DPYD: variants seen among roughly 807,000 people sequenced by gnomAD.
DPYD encodes dihydropyrimidine dehydrogenase [NADP(+)].
A neutral mutation model predicts 116.2 loss-of-function variants in DPYD; 109 were observed. The ratio of observed to expected loss-of-function variants is 0.94; its 90% CI spans 0.80 to 1.10. DPYD has a LOEUF of 1.10. Ranked by LOEUF, DPYD falls within the 50% of genes least tolerant of loss-of-function variation. DPYD has a pLI of 0.00. For missense variants in DPYD, 1,302 were observed against 1,254.5 expected (o/e 1.04, Z -0.57); for synonymous variants, 440 against 432.0 (o/e 1.02, Z -0.23).
At chr1:97,460,157 A>G (rs568029597) in intron 13 of DPYD, among the ~76,000 whole-genome samples, 1 of 152,342 alleles carries the variant, frequency 6.6e-6, no homozygotes, top group South Asian at 2.1e-4. Flanking sequence ...GCAGAAAAAA[A>G]GCAGGTGCAA....
chr1:97,821,050 C>T (rs1175354320), intron 3 of DPYD, among the ~76,000 whole-genome samples: 1 of 152,000 alleles, frequency 6.6e-6, no homozygotes, highest in Non-Finnish European at 1.5e-5. Context: ...TAGCCCTCTA[C>T]TGCCTGTGAG....
chr1:97,870,407 A>T lies in DPYD; in HGVS notation c.150+12857T>A, dbSNP rs920358067. ...TGGATCTTTATCGTGTTATATAAAA[A>T]TACAAATATTTCAAAATTCATAAAC... On this transcript the variant is annotated intron_variant, in intron 2 of 22. Coordinates refer to ENST00000370192, the MANE Select transcript of DPYD (RefSeq NM_000110.4). Among the ~76,000 whole-genome samples, 5 of 151,656 alleles carry T rather than the reference A, an allele frequency of 3.3e-5. No homozygotes were observed. In the East Asian group the frequency reaches 9.8e-4, roughly 30 times the overall value.
intron 20 of DPYD, among the ~76,000 whole-genome samples, chr1:97,173,370 ATATG>A (rs754282002): frequency 6.6e-6 from 1 of 150,378 alleles, no homozygotes; most frequent in Non-Finnish European, 1.5e-5. Flanking sequence ...ATATATACAT[ATATG>A]TGTGTATATA....
chr1:97,915,745 A>G (rs1251294533), intron 1 of DPYD, among the ~76,000 whole-genome samples: 1 of 152,198 alleles, frequency 6.6e-6, no homozygotes, highest in Non-Finnish European at 1.5e-5. Context: ...AGTTTTAAGG[A>G]CTGAAGGGCT....
At position 97,514,100 on chromosome 1, in the gene DPYD, C is replaced by A. The variant is rs191848648; in HGVS notation, c.1740+1626G>T. The A allele has an allele frequency of 4.6e-5, 33 of 718,188 alleles. No homozygotes were observed. The East Asian group carries it at 3.1e-3, about 68-fold the overall frequency. The allele number at this position is 718,188 out of a possible 1,614,324, so 44.5% of individuals were successfully genotyped here. On this transcript the variant is annotated intron_variant, in intron 13 of 22. Coordinates refer to ENST00000370192, the MANE Select transcript of DPYD (RefSeq NM_000110.4). ...TAATTTCCATTTGTTCATAACTCCC[C>A]TTTTGAACCAGCATCACACACTTCT...
intron 19 of DPYD, among the ~76,000 whole-genome samples, chr1:97,228,059 T>C (rs1661315611): frequency 6.6e-6 from 1 of 151,812 alleles, no homozygotes; most frequent in Middle Eastern, 3.5e-3. Context: ...ATGTTAAATA[T>C]AATACACTTA....
intron 16 of DPYD, among the ~76,000 whole-genome samples, chr1:97,307,568 C>T (rs1449338189): frequency 6.6e-6 from 1 of 151,798 alleles, no homozygotes; most frequent in East Asian, 1.9e-4. Context: ...TTGTTATCAT[C>T]TCTATTAAGC....
chr1:97,174,323 T>G lies in DPYD; in HGVS notation c.2622+18746A>C, dbSNP rs187440337. ...GGCCTACCAAAAGACCTAATCAAAT[T>G]TTCCATCTTTAAGAAGCAGCTTCTC... On this transcript the variant is annotated intron_variant, in intron 20 of 22. Transcript: ENST00000370192. Among the ~76,000 whole-genome samples, 5 of 152,210 alleles carry G rather than the reference T, an allele frequency of 3.3e-5. No homozygotes were observed. In the East Asian group the frequency reaches 9.7e-4, roughly 29 times the overall value.
At chr1:97,561,850 A>G (rs1652175421) in intron 11 of DPYD, among the ~76,000 whole-genome samples, 2 of 152,082 alleles carry the variant, frequency 1.3e-5, no homozygotes, top group Admixed American at 1.3e-4. Context: ...TTCCTACCCA[A>G]TCCTCAACTA....
chr1:97,232,376 T>C (rs565155000), intron 19 of DPYD, among the ~76,000 whole-genome samples: 1 of 152,328 alleles, frequency 6.6e-6, no homozygotes, highest in South Asian at 2.1e-4. Flanking sequence ...GATTTTGGTA[T>C]GGATTTCTTT....
chr1:97,120,628 A>G (rs1035755912), intron 20 of DPYD, among the ~76,000 whole-genome samples: 10 of 152,136 alleles, frequency 6.6e-5, no homozygotes, highest in Non-Finnish European at 1.2e-4. Flanking sequence ...AAAACAGCCA[A>G]TTTGTGTCAA....
chr1:97,663,842 C>T (rs1371217098), intron 8 of DPYD, among the ~76,000 whole-genome samples: 4 of 152,190 alleles, frequency 2.6e-5, no homozygotes, highest in African/African-American at 9.7e-5. Flanking sequence ...TGGGTGCACT[C>T]CTAATCCCTG....
At chr1:97,530,905 G>A (rs980772931) in intron 12 of DPYD, among the ~76,000 whole-genome samples, 1 of 152,020 alleles carries the variant, frequency 6.6e-6, no homozygotes, top group African/African-American at 2.4e-5. Flanking sequence ...TTGGCCATTT[G>A]TATGGCTTGT....
intron 14 of DPYD, among the ~76,000 whole-genome samples, chr1:97,402,016 A>G (rs1673405827): frequency 6.6e-6 from 1 of 152,124 alleles, no homozygotes; most frequent in African/African-American, 2.4e-5. Flanking sequence ...ACACTGTCAG[A>G]TTACTGTAGC....
chr1:97,604,944 G>A (rs987893211), intron 8 of DPYD, among the ~76,000 whole-genome samples: 2 of 151,952 alleles, frequency 1.3e-5, no homozygotes, highest in Non-Finnish European at 2.9e-5. Flanking sequence ...TGTACAGAGG[G>A]CTCACACTTT....
At chr1:97,306,420 T>G (rs1162327079) in intron 16 of DPYD, 123 bp from the exon 17 acceptor site, 3 of 1,309,828 alleles carry the variant, frequency 2.3e-6, no homozygotes, top group Non-Finnish European at 2.2e-6. Context: ...AGCTACATGA[T>G]ATATTTCTCA....
rs1160965294 is a variant in DPYD, at chr1:97,162,591, A to G, written c.2622+30478T>C. Reference sequence around the variant, plus strand: ...TATAGATTCAATGCCATCCCCATCAAGCTACCAATGACTTTCTTCACAGAA... The same window carrying G: ...TATAGATTCAATGCCATCCCCATCAGGCTACCAATGACTTTCTTCACAGAA... On this transcript the variant is annotated intron_variant, in intron 20 of 22. Transcript: ENST00000370192. Among the ~76,000 whole-genome samples the G allele has an allele frequency of 2.0e-5, 3 of 152,220 alleles. No homozygotes were observed. In the Middle Eastern group the frequency reaches 0.01, roughly 518 times the overall value.
intron 3 of DPYD, among the ~76,000 whole-genome samples, chr1:97,768,397 TAC>T (rs200547285): frequency 0.01 from 1,565 of 152,308 alleles, 15 homozygotes; most frequent in South Asian, 0.017. Flanking sequence ...TGATTCTAAA[TAC>T]ACTTTTTTGC....
chr1:97,620,783 A>C (rs953699006), intron 8 of DPYD, among the ~76,000 whole-genome samples: 2 of 152,072 alleles, frequency 1.3e-5, no homozygotes, highest in African/African-American at 4.8e-5. Context: ...TTCTGCCCCT[A>C]TCTAATCATT....
Sources: gnomAD v4.1 joint callset for allele counts (sites outside exome capture counted in the v4.1 genomes callset) on GRCh38, gnomAD v4.1.1 for gene constraint, MANE v1.5 for transcripts, NCBI Gene and HGNC (gene_info 2026-07-23, HGNC 2026-07-21) for gene names.